Variants in MAF observed in about 807,000 individuals in gnomAD.
The protein encoded by MAF is transcription factor Maf.
In MAF, 10 loss-of-function variants were observed where a neutral mutation model predicts 22.0. The ratio of observed to expected loss-of-function variants is 0.45; its 90% CI spans 0.28 to 0.77. The LOEUF is 0.77. MAF is among the 30% of genes least tolerant of loss of function. The pLI is 0.12. For synonymous variants in MAF, 337 were observed against 255.8 expected (o/e 1.32, Z -3.03); for missense variants, 544 against 548.4 (o/e 0.99, Z 0.08).
the MAF span, among the ~76,000 whole-genome samples, chr16:79,496,646 G>A: frequency 6.6e-6 from 1 of 152,166 alleles, no homozygotes; most frequent in African/African-American, 2.4e-5. Context: ...TCAAAGGAGG[G>A]AGTTCACATA....
At chr16:79,456,116 T>C in the MAF span, among the ~76,000 whole-genome samples, 1 of 152,196 alleles carries the variant, frequency 6.6e-6, no homozygotes, top group African/African-American at 2.4e-5. Context: ...AGTTAAACGC[T>C]GCCCATGTCT....
At chr16:79,593,196 A>G (rs148277061), downstream of MAF, among the ~76,000 whole-genome samples, 22 of 152,342 alleles carry the variant, frequency 1.4e-4, no homozygotes, top group African/African-American at 4.6e-4. Flanking sequence ...CGTAAAGCCA[A>G]GAGTATGTGA....
intron 1 of MAF, chr16:79,596,449 A>T: frequency 9.5e-7 from 1 of 1,054,704 alleles, no homozygotes; most frequent in Non-Finnish European, 1.1e-6. Context: ...GGGCCCAGTT[A>T]AACTGTACAC....
At chr16:79,471,573 C>T in the MAF span, among the ~76,000 whole-genome samples, 75 of 152,198 alleles carry the variant, frequency 4.9e-4, no homozygotes, top group Admixed American at 3.9e-3. Flanking sequence ...GGTGCTAGGG[C>T]GGCTGAGGTA....
At chr16:79,322,809 C>T in the MAF span, among the ~76,000 whole-genome samples, 2 of 151,952 alleles carry the variant, frequency 1.3e-5, no homozygotes, top group African/African-American at 4.8e-5. Context: ...CTGTAGTCAG[C>T]TCACCGGACC....
chr16:79,405,665 G>C, the MAF span, among the ~76,000 whole-genome samples: 3 of 152,184 alleles, frequency 2.0e-5, no homozygotes, highest in Non-Finnish European at 4.4e-5. Flanking sequence ...GACTTCGAAT[G>C]TTCATACAGA....
At chr16:79,325,391 T>A in the MAF span, among the ~76,000 whole-genome samples, 1 of 152,136 alleles carries the variant, frequency 6.6e-6, no homozygotes. Context: ...GAACCCTTAC[T>A]ACAGCTGTGT....
At chr16:79,567,320 GA>G in the MAF span, among the ~76,000 whole-genome samples, 48,148 of 147,394 alleles carry the variant, frequency 0.33, 7,620 homozygotes, top group Admixed American at 0.37. Context: ...CTCCACCTCA[GA>G]AAAAAAAAAA....
chr16:79,240,631 A>G, the MAF span, among the ~76,000 whole-genome samples: 1 of 151,676 alleles, frequency 6.6e-6, no homozygotes, highest in African/African-American at 2.4e-5. Flanking sequence ...AGCAGACTTA[A>G]ACGACCTGGC....
chr16:79,538,755 G>C, the MAF span, among the ~76,000 whole-genome samples: 60 of 152,014 alleles, frequency 3.9e-4, no homozygotes, highest in African/African-American at 1.4e-3. Flanking sequence ...GAACCAAGGA[G>C]GTGGAGGTTG....
chr16:79,216,552 G>C, the MAF span, among the ~76,000 whole-genome samples: 1 of 152,090 alleles, frequency 6.6e-6, no homozygotes, highest in African/African-American at 2.4e-5. Flanking sequence ...TAATAAATCA[G>C]GCTAAGTGTT....
chr16:79,311,343 T>C, the MAF span, among the ~76,000 whole-genome samples: 8 of 152,156 alleles, frequency 5.3e-5, no homozygotes, highest in Non-Finnish European at 1.2e-4. Flanking sequence ...CCTTTCCTAC[T>C]TCTTTTTTGA....
At chr16:79,538,956 A>G in the MAF span, among the ~76,000 whole-genome samples, 1 of 152,130 alleles carries the variant, frequency 6.6e-6, no homozygotes, top group African/African-American at 2.4e-5. Context: ...AAACAAGATG[A>G]GGTAGAAAAG....
chr16:79,239,329 G>A, the MAF span, among the ~76,000 whole-genome samples: 1 of 152,032 alleles, frequency 6.6e-6, no homozygotes, highest in African/African-American at 2.4e-5. Flanking sequence ...TCAGAAGTGA[G>A]GAGTTTCCTG....
At chr16:79,339,478 G>T in the MAF span, among the ~76,000 whole-genome samples, 1 of 152,152 alleles carries the variant, frequency 6.6e-6, no homozygotes, top group African/African-American at 2.4e-5. Context: ...AGAAGCCTGG[G>T]TCCCTGAATC....
intron 1 of MAF, among the ~76,000 whole-genome samples, chr16:79,586,949 C>T (rs1326582388): frequency 6.6e-6 from 1 of 152,226 alleles, no homozygotes; most frequent in Non-Finnish European, 1.5e-5. Context: ...ATCCCCCACA[C>T]TTTTATTTGG....
the MAF span, among the ~76,000 whole-genome samples, chr16:79,301,644 T>C: frequency 4.6e-4 from 70 of 152,246 alleles, no homozygotes; most frequent in Non-Finnish European, 7.8e-4. Flanking sequence ...TGTGTGTATA[T>C]AGACACATAC....
the MAF span, among the ~76,000 whole-genome samples, chr16:79,421,396 G>C: frequency 6.6e-6 from 1 of 152,124 alleles, no homozygotes; most frequent in Non-Finnish European, 1.5e-5. Flanking sequence ...CCCTGCTAGT[G>C]CCTGGCAACC....
the MAF span, among the ~76,000 whole-genome samples, chr16:79,548,548 A>G: frequency 2.0e-5 from 3 of 152,242 alleles, no homozygotes; most frequent in Non-Finnish European, 2.9e-5. Context: ...CTAGCATGAT[A>G]CCGTTGATGA....
Sources: gnomAD v4.1 joint callset for allele counts (sites outside exome capture counted in the v4.1 genomes callset) on GRCh38, gnomAD v4.1.1 for gene constraint, MANE v1.5 for transcripts, NCBI Gene and HGNC (gene_info 2026-07-23, HGNC 2026-07-21) for gene names.